The following GGTA1 variants were observed in gnomAD, a reference collection of about 807,000 sequenced individuals.
GGTA1 encodes the protein inactive N-acetyllactosaminide alpha-1,3-galactosyltransferase.
A neutral mutation model predicts 2.6 loss-of-function variants in GGTA1; 5 were observed. The observed-to-expected ratio is 1.92, with a 90% CI of 1.00 to 4.04. The LOEUF is 4.04. Among genes scored for constraint, GGTA1 ranks in the 30% most tolerant of loss-of-function variants. The pLI, the probability that GGTA1 is intolerant of heterozygous loss-of-function variation, is 0.00. For synonymous variants in GGTA1, 17 were observed against 5.0 expected (o/e 3.38, Z -3.19); for missense variants, 50 against 16.7 (o/e 2.99, Z -3.47).
rs1589329116 is a variant in GGTA1, at chr9:121,462,289, C to T, written c.117-972G>A. Among the ~76,000 whole-genome samples, 8 of 151,922 alleles carry T rather than the reference C, an allele frequency of 5.3e-5. 2 individuals are homozygous for T. Among genetic ancestry groups the T allele is most frequent in the Admixed American group, 5.2e-4 (8 of 15,268 alleles). ...GCCGTGAGCCAAGATGGCACCACTG[C>T]ACTCCAGCCTGGGCAACAGAGCAAG... On this transcript the variant is annotated intron_variant, in intron 3 of 5. Transcript: ENST00000481799.
downstream of GGTA1, among the ~76,000 whole-genome samples, chr9:121,451,024 C>G (rs1443711755): frequency 6.6e-6 from 1 of 151,812 alleles, no homozygotes; most frequent in African/African-American, 2.4e-5. Context: ...AAGGAATCGA[C>G]TTTCCATGAA....
chr9:121,483,585 T>C (rs188894515), intron 1 of GGTA1, among the ~76,000 whole-genome samples: 77 of 152,320 alleles, frequency 5.1e-4, no homozygotes, highest in African/African-American at 1.8e-3. Context: ...AGGTAAGAGC[T>C]TGGTACCGTG....
intron 1 of GGTA1, among the ~76,000 whole-genome samples, chr9:121,477,787 C>T (rs10818553): frequency 0.29 from 43,552 of 151,652 alleles, 6,591 homozygotes; most frequent in Middle Eastern, 0.39. Context: ...ACCATGTTGG[C>T]CATGATGGTC....
At chr9:121,496,451 C>T (rs1171275641) in intron 1 of GGTA1, among the ~76,000 whole-genome samples, 1 of 152,002 alleles carries the variant, frequency 6.6e-6, no homozygotes, top group Non-Finnish European at 1.5e-5. Context: ...AGAAGGTAGG[C>T]CGGGCGTGGT....
At chr9:121,496,748 AAAAAAAAAAAG>A (rs978416043) in intron 1 of GGTA1, among the ~76,000 whole-genome samples, 9 of 142,676 alleles carry the variant, frequency 6.3e-5, no homozygotes, top group African/African-American at 2.3e-4. Flanking sequence ...AAAAAAAAAA[AAAAAAAAAAAG>A]AGAGAGAGAA....
At chr9:121,480,775 G>A (rs950056401) in intron 1 of GGTA1, among the ~76,000 whole-genome samples, 1 of 152,146 alleles carries the variant, frequency 6.6e-6, no homozygotes, top group African/African-American at 2.4e-5. Flanking sequence ...CCAAACAGAT[G>A]CCCACCTGCC....
intron 1 of GGTA1, among the ~76,000 whole-genome samples, chr9:121,473,953 G>GAGAA (rs1322120736): frequency 1.4e-5 from 2 of 139,584 alleles, no homozygotes; most frequent in African/African-American, 5.2e-5. Flanking sequence ...GAGAGAGAGA[G>GAGAA]AGAGAGGGAG....
intron 2 of GGTA1, among the ~76,000 whole-genome samples, chr9:121,464,664 T>C (rs1194852467): frequency 1.3e-5 from 2 of 152,144 alleles, no homozygotes; most frequent in Admixed American, 6.5e-5. Context: ...TCGGAGGTAA[T>C]GCATAGCAAG....
At chr9:121,491,496 G>A (rs1360250312) in intron 1 of GGTA1, among the ~76,000 whole-genome samples, 1 of 152,140 alleles carries the variant, frequency 6.6e-6, no homozygotes, top group Admixed American at 6.5e-5. Context: ...AACTCCTGAA[G>A]GGCTCAGTGG....
At chr9:121,497,461 A>G (rs1043798363) in intron 1 of GGTA1, among the ~76,000 whole-genome samples, 2 of 152,128 alleles carry the variant, frequency 1.3e-5, no homozygotes, top group African/African-American at 4.8e-5. Context: ...AACTGCATTC[A>G]AATCCTAGCT....
downstream of GGTA1, among the ~76,000 whole-genome samples, chr9:121,451,451 C>T (rs1412594037): frequency 6.6e-6 from 1 of 152,194 alleles, no homozygotes; most frequent in African/African-American, 2.4e-5. Context: ...TCCCAAAGTG[C>T]TGGGATTACA....
intron 1 of GGTA1, among the ~76,000 whole-genome samples, chr9:121,487,574 C>CAAAA (rs35537073): frequency 1.7e-4 from 11 of 65,918 alleles, no homozygotes; most frequent in East Asian, 5.5e-4. Flanking sequence ...GACTCTGTCT[C>CAAAA]AAAAAAAAAA....
chr9:121,482,844 G>T (rs1828681385), intron 1 of GGTA1, among the ~76,000 whole-genome samples: 2 of 152,140 alleles, frequency 1.3e-5, no homozygotes, highest in Non-Finnish European at 2.9e-5. Context: ...TATTCTGGAG[G>T]CTGAGGCAGG....
At chr9:121,486,397 C>T (rs1051744349) in intron 1 of GGTA1, among the ~76,000 whole-genome samples, 1 of 152,186 alleles carries the variant, frequency 6.6e-6, no homozygotes, top group African/African-American at 2.4e-5. Context: ...AGGAGGTCCC[C>T]TGGTGATTGG....
chr9:121,498,423 G>A (rs1829034581), intron 1 of GGTA1, among the ~76,000 whole-genome samples: 1 of 152,226 alleles, frequency 6.6e-6, no homozygotes, highest in South Asian at 2.1e-4. Context: ...AGTCAAAGAA[G>A]CACAGAAATG....
intron 1 of GGTA1, among the ~76,000 whole-genome samples, chr9:121,475,773 T>A (rs1828496635): frequency 6.6e-6 from 1 of 152,162 alleles, no homozygotes. Flanking sequence ...GGTAAGGGAA[T>A]GGGGAAGGGT....
chr9:121,460,586 G>A (rs149493145), intron 4 of GGTA1, among the ~76,000 whole-genome samples: 11 of 152,236 alleles, frequency 7.2e-5, no homozygotes, highest in East Asian at 5.8e-4. Context: ...GGTGGATCAC[G>A]CCTATAATCT....
intron 1 of GGTA1, among the ~76,000 whole-genome samples, chr9:121,477,825 G>A (rs939113551): frequency 1.1e-4 from 16 of 151,692 alleles, no homozygotes; most frequent in South Asian, 4.2e-4. Context: ...TGATCTGCTC[G>A]CCTCAGCCTC....
intron 2 of GGTA1, among the ~76,000 whole-genome samples, chr9:121,466,825 C>T (rs949676524): frequency 2.0e-5 from 3 of 152,086 alleles, no homozygotes; most frequent in Admixed American, 6.6e-5. Flanking sequence ...TGGTAATACA[C>T]GCCTGTAATC....
Sources: gnomAD v4.1 joint callset for allele counts (sites outside exome capture counted in the v4.1 genomes callset) on GRCh38, gnomAD v4.1.1 for gene constraint, MANE v1.5 for transcripts, NCBI Gene and HGNC (gene_info 2026-07-23, HGNC 2026-07-21) for gene names.